The following DPP10 variants were observed in gnomAD, a reference collection of about 807,000 sequenced individuals.
The protein encoded by DPP10 is dipeptidyl peptidase like 10.
DPP10 carries 33 observed loss-of-function variants against 120.9 expected under a neutral mutation model. That is an observed-to-expected ratio of 0.27 (90% CI 0.21 to 0.37). The LOEUF (loss-of-function observed/expected upper bound fraction) is 0.37. Ranked by LOEUF, DPP10 falls within the 10% of genes least tolerant of loss-of-function variation. DPP10 has a pLI of 1.00. For missense variants in DPP10, 816 were observed against 942.8 expected (o/e 0.87, Z 1.76); for synonymous variants, 337 against 326.1 (o/e 1.03, Z -0.36).
intron 1 of DPP10, among the ~76,000 whole-genome samples, chr2:115,092,060 C>A (rs1053373197): frequency 2.0e-5 from 3 of 152,090 alleles, no homozygotes; most frequent in Admixed American, 6.6e-5. Flanking sequence ...TTTCACCAGC[C>A]CAGGACTCTG....
chr2:115,740,215 G>A (rs909104459), intron 9 of DPP10, among the ~76,000 whole-genome samples: 1 of 151,976 alleles, frequency 6.6e-6, no homozygotes, highest in Non-Finnish European at 1.5e-5. Flanking sequence ...GCAATGTTTT[G>A]TCCAAGGCCT....
At chr2:115,079,312 G>A (rs939181094) in intron 1 of DPP10, among the ~76,000 whole-genome samples, 1 of 150,984 alleles carries the variant, frequency 6.6e-6, no homozygotes, top group African/African-American at 2.4e-5. Context: ...CCCGGGAGGC[G>A]GAGCTTGCAG....
chr2:115,261,396 A>C lies in DPP10; in HGVS notation c.61-47843A>C, dbSNP rs1454861226. On this transcript the variant is annotated intron_variant, in intron 1 of 25. Coordinates refer to ENST00000410059, the MANE Select transcript of DPP10 (RefSeq NM_020868.6). ...GAATGTTGTATGGAACGCATGGTGAAGAAATACGGTTTAGTGAATCTGGAA... is the reference window on the plus strand; with the variant it reads ...GAATGTTGTATGGAACGCATGGTGACGAAATACGGTTTAGTGAATCTGGAA... 3.3e-5 allele frequency among the ~76,000 whole-genome samples: 5 copies of C among 152,356 alleles called. No homozygotes were observed. The East Asian group carries it at 9.6e-4, about 29-fold the overall frequency.
At chr2:114,593,206 G>A (rs1691608823) in intron 1 of DPP10, among the ~76,000 whole-genome samples, 1 of 152,126 alleles carries the variant, frequency 6.6e-6, no homozygotes, top group Admixed American at 6.5e-5. Context: ...AGAAAAAAAT[G>A]AATCATAAGA....
At position 114,444,876 on chromosome 2, in the gene DPP10, A is replaced by G. The variant is rs563889530; in HGVS notation, c.60+2038A>G. 1.5e-3 allele frequency among the ~76,000 whole-genome samples: 230 copies of G among 152,288 alleles called. 6 individuals carry two copies. Among genetic ancestry groups the G allele is most frequent in the Middle Eastern group, 0.014 (4 of 294 alleles). ...AAAATATATATAGTCGCAAGCACTG[A>G]ACTATTAAGGGAGTAATTACTTGAG... On this transcript the variant is annotated intron_variant, in intron 1 of 25. Coordinates refer to ENST00000410059, the MANE Select transcript of DPP10 (RefSeq NM_020868.6).
At chr2:114,527,340 A>C (rs974315620) in intron 1 of DPP10, among the ~76,000 whole-genome samples, 4 of 152,146 alleles carry the variant, frequency 2.6e-5, no homozygotes, top group African/African-American at 7.2e-5. Flanking sequence ...AGTGAGCAGC[A>C]CATCGCATTC....
At chr2:115,771,261 G>A (rs1681432296) in intron 13 of DPP10, among the ~76,000 whole-genome samples, 5 of 151,734 alleles carry the variant, frequency 3.3e-5, no homozygotes, top group Non-Finnish European at 7.4e-5. Context: ...TTTTAGTAGA[G>A]GCGGGTTTCA....
chr2:114,515,320 T>C (rs1684505646), intron 1 of DPP10, among the ~76,000 whole-genome samples: 1 of 152,178 alleles, frequency 6.6e-6, no homozygotes, highest in Non-Finnish European at 1.5e-5. Flanking sequence ...AGACGTCTAA[T>C]ATACCCTAGA....
chr2:114,726,076 C>CA (rs928142554), intron 1 of DPP10, among the ~76,000 whole-genome samples: 5 of 150,856 alleles, frequency 3.3e-5, no homozygotes, highest in Non-Finnish European at 5.9e-5. Flanking sequence ...ACTAAAAATA[C>CA]AAAAAAAAAT....
At chr2:115,581,828 T>C (rs1558880151) in intron 5 of DPP10, among the ~76,000 whole-genome samples, 1 of 152,052 alleles carries the variant, frequency 6.6e-6, no homozygotes, top group Admixed American at 6.6e-5. Flanking sequence ...TCCCTGTAAG[T>C]CCCATCATTG....
chr2:114,725,916 T>G, intron 1 of DPP10, among the ~76,000 whole-genome samples: 1 of 152,054 alleles, frequency 6.6e-6, no homozygotes, highest in Non-Finnish European at 1.5e-5. Context: ...TAAGAATAAT[T>G]GAATGGAAGT....
chr2:115,826,881 A>G (rs116016354), intron 21 of DPP10, among the ~76,000 whole-genome samples: 1,958 of 152,164 alleles, frequency 0.013, 44 homozygotes, highest in African/African-American at 0.042. Context: ...TATGTTTCTT[A>G]TAGGCTGCAA....
rs746043485 is a variant in DPP10 at position 114,870,943 on chromosome 2, C to T, written c.60+428105C>T. ...CCTAAAAGGGTTGGGGTAGTGTCTC[C>T]GCATGGTCAGAGGTGTCAGTGACAT... On this transcript the variant is annotated intron_variant, in intron 1 of 25. Coordinates refer to ENST00000410059, the MANE Select transcript of DPP10 (RefSeq NM_020868.6). 6.7e-5 allele frequency among the ~76,000 whole-genome samples: 9 copies of T among 133,616 alleles called. 3 individuals are homozygous for T. Among genetic ancestry groups the T allele is most frequent in the Admixed American group, 7.8e-5 (1 of 12,754 alleles). The allele number at this position is 133,616 out of a possible 152,430, so 87.7% of individuals were successfully genotyped here.
chr2:114,454,528 C>T (rs1305400785), intron 1 of DPP10, among the ~76,000 whole-genome samples: 1 of 152,182 alleles, frequency 6.6e-6, no homozygotes, highest in Admixed American at 6.5e-5. Flanking sequence ...CAGGTTTCCG[C>T]CAGCTCTAAG....
intron 1 of DPP10, among the ~76,000 whole-genome samples, chr2:115,097,118 T>C (rs2048438148): frequency 6.6e-6 from 1 of 152,154 alleles, no homozygotes; most frequent in Non-Finnish European, 1.5e-5. Flanking sequence ...TAAGCACCTG[T>C]GTTGCAGACA....
In DPP10 at chr2:115,552,728, A is replaced by G. The variant is rs542780727; in HGVS notation, c.441+26756A>G. On this transcript the variant is annotated intron_variant, in intron 5 of 25. Coordinates refer to ENST00000410059, the MANE Select transcript of DPP10 (RefSeq NM_020868.6). ...AATATTCATCAATATTCATCAATAA[A>G]TTAAATATTTATTAATGAAAAACCT... is the stretch of plus-strand genomic sequence containing the variant. Among the ~76,000 whole-genome samples the G allele has an allele frequency of 2.0e-5, 3 of 152,214 alleles. No homozygotes were observed. In the South Asian group the frequency reaches 6.2e-4, roughly 32 times the overall value.
rs555642099 is a variant in DPP10 at position 115,835,041 on chromosome 2, G to A, written c.1951-1116G>A. Among the ~76,000 whole-genome samples, 16 of 151,860 alleles carry A rather than the reference G, an allele frequency of 1.1e-4. 1 individual carries two copies. Among genetic ancestry groups the A allele is most frequent in the African/African-American group, 3.1e-4 (13 of 41,428 alleles). On this transcript the variant is annotated intron_variant, in intron 21 of 25. Transcript: ENST00000410059. ...GCGGAGCTTGCAGTGAGCCCAGGGG[G>A]CGGAGTTTGCAGTGAACCCAGGGGG...
At chr2:115,432,913 G>A (rs759477232) in intron 3 of DPP10, among the ~76,000 whole-genome samples, 7 of 151,896 alleles carry the variant, frequency 4.6e-5, no homozygotes, top group Non-Finnish European at 1.0e-4. Context: ...TTGAGAAATC[G>A]TGCAACTAGT....
intron 7 of DPP10, among the ~76,000 whole-genome samples, chr2:115,725,841 A>G (rs1301632112): frequency 1.3e-5 from 2 of 152,160 alleles, no homozygotes; most frequent in East Asian, 1.9e-4. Flanking sequence ...TGTGTTGTAT[A>G]CTGTTTGTGA....
Sources: gnomAD v4.1 joint callset for allele counts (sites outside exome capture counted in the v4.1 genomes callset) on GRCh38, gnomAD v4.1.1 for gene constraint, MANE v1.5 for transcripts, NCBI Gene and HGNC (gene_info 2026-07-23, HGNC 2026-07-21) for gene names.